Variants in CC2D2B observed in about 807,000 individuals in gnomAD.
CC2D2B encodes the protein coiled-coil and C2 domain containing 2B.
CC2D2B carries 128 observed loss-of-function variants against 161.2 expected under a neutral mutation model. The observed-to-expected ratio is 0.79, with a 90% CI of 0.69 to 0.92. CC2D2B has a LOEUF of 0.92. Among genes scored for constraint, CC2D2B ranks in the 40% least tolerant of loss-of-function variants. The pLI is 0.00. For synonymous variants in CC2D2B, 391 were observed against 449.8 expected (o/e 0.87, Z 1.65); for missense variants, 1,173 against 1,375.1 (o/e 0.85, Z 2.32).
chr10:95,962,498 T>A (rs1161906384), intron 12 of CC2D2B, among the ~76,000 whole-genome samples: 1 of 152,170 alleles, frequency 6.6e-6, no homozygotes, highest in African/African-American at 2.4e-5. Context: ...CACATTCTTA[T>A]AAAGTTAAAT....
intron 24 of CC2D2B, among the ~76,000 whole-genome samples, chr10:95,997,857 T>C (rs1477653390): frequency 6.6e-6 from 1 of 152,232 alleles, no homozygotes; most frequent in African/African-American, 2.4e-5. Context: ...AAAGTGGAAT[T>C]GCTAGGTTGT....
intron 22 of CC2D2B, chr10:95,993,095 C>T (rs137905555): frequency 0.036 from 5,714 of 157,802 alleles, 136 homozygotes; most frequent in Middle Eastern, 0.071. Context: ...AGGAAAGCTG[C>T]GAAGCAAATG....
Position 95,924,830 on chromosome 10 carries a change from C to A in CC2D2B, c.226C>A (p.His76Asn). 6.5e-7 allele frequency: 1 copy of A among 1,544,836 alleles called. No individual in the cohort carries two copies. The highest frequency in any genetic ancestry group is 1.4e-5 in the African/African-American group (1 of 73,008). The part of the protein sequence containing the change: ...STEQLIDSEI[H>N]QRSKLSPQTE... ...TGAGCAGCTCATTGATAGCGAAATA[C>A]ATCAAAGGTCCAAGGTGAATAACTT... The change falls in exon 5 of 35, where the codon CAT becomes AAT. Residue 76 changes from histidine (H) to asparagine (N), a missense_variant. His to Asn is a moderately conservative substitution (Grantham distance 68). Around this residue, in one of 3 missense-constraint regions of CC2D2B, gnomAD observed 298 missense variants for 261.2 expected, o/e 1.14. Transcript: ENST00000646931.
chr10:96,009,805 A>G lies in CC2D2B; in HGVS notation c.2947-20A>G, dbSNP rs769302588. ...TCACATGATATTAAGTAAGTAATAA[A>G]AAATTATTTATTTTCATAGGATCAC... On this transcript the variant is annotated intron_variant, in intron 25 of 34. Coordinates refer to ENST00000646931, the MANE Select transcript of CC2D2B (RefSeq NM_001349008.3). The G allele has an allele frequency of 7.9e-7, 1 of 1,262,714 alleles. No homozygotes were observed. The highest frequency in any genetic ancestry group is 1.1e-6 in the Non-Finnish European group (1 of 904,426). 78.2% of individuals were successfully genotyped at this position (1,262,714 alleles called of 1,614,324 possible).
chr10:96,029,280 ATATATG>A (rs1205998230), intron 34 of CC2D2B, among the ~76,000 whole-genome samples: 27 of 50,916 alleles, frequency 5.3e-4, no homozygotes, highest in Admixed American at 8.5e-4. Context: ...ATATATATAT[ATATATG>A]TATATATATA....
chr10:96,027,535 G>A (rs745403667), intron 34 of CC2D2B, 146 bp downstream of exon 34: 229 of 546,644 alleles, frequency 4.2e-4, no homozygotes, highest in Non-Finnish European at 6.3e-4. Context: ...ACTTACTGAA[G>A]AATCAATATT....
At chr10:95,991,934 C>T (rs935836389) in intron 21 of CC2D2B, among the ~76,000 whole-genome samples, 1 of 152,158 alleles carries the variant, frequency 6.6e-6, no homozygotes, top group Non-Finnish European at 1.5e-5. Flanking sequence ...CTCATACTGT[C>T]CTATCTGTGA....
At chr10:95,959,297 C>T (rs1040942489) in intron 11 of CC2D2B, among the ~76,000 whole-genome samples, 1 of 152,150 alleles carries the variant, frequency 6.6e-6, no homozygotes, top group African/African-American at 2.4e-5. Context: ...ATCACCTTCA[C>T]CTGGGAGTTT....
At chr10:96,011,243 G>A (rs578158288) in intron 26 of CC2D2B, among the ~76,000 whole-genome samples, 31 of 152,322 alleles carry the variant, frequency 2.0e-4, no homozygotes, top group Admixed American at 2.0e-3. Flanking sequence ...CATTGTTGGA[G>A]GTACAGCTAC....
At chr10:96,014,200 T>G (rs1374040613) in intron 29 of CC2D2B, among the ~76,000 whole-genome samples, 1 of 152,184 alleles carries the variant, frequency 6.6e-6, no homozygotes, top group Admixed American at 6.5e-5. Context: ...GTGCAAGCAC[T>G]GTCACTTCCC....
chr10:95,945,777 C>CGT (rs2076174874), intron 9 of CC2D2B, among the ~76,000 whole-genome samples: 2 of 81,124 alleles, frequency 2.5e-5, no homozygotes, highest in Admixed American at 3.1e-4. Context: ...TAATGTTGGA[C>CGT]TTTTTTTTTT....
At chr10:96,026,038 A>G (rs940901374) in intron 33 of CC2D2B, among the ~76,000 whole-genome samples, 1 of 152,246 alleles carries the variant, frequency 6.6e-6, no homozygotes, top group African/African-American at 2.4e-5. Context: ...AAATACAGGT[A>G]TGAGCATCCC....
intron 11 of CC2D2B, among the ~76,000 whole-genome samples, chr10:95,957,039 T>C (rs1004839546): frequency 3.3e-5 from 5 of 152,082 alleles, no homozygotes; most frequent in Non-Finnish European, 5.9e-5. Context: ...GGGTGGTAAA[T>C]TGGGGTTAAT....
chr10:96,009,999 T>C, intron 26 of CC2D2B, 76 bp downstream of exon 26: 1 of 849,164 alleles, frequency 1.2e-6, no homozygotes, highest in Non-Finnish European at 2.0e-6. Context: ...TGTCTTTGAA[T>C]CAGACTCTGT....
chr10:96,015,452 T>C (rs2079154928), intron 29 of CC2D2B, among the ~76,000 whole-genome samples: 1 of 134,898 alleles, frequency 7.4e-6, no homozygotes, highest in Non-Finnish European at 1.6e-5. Flanking sequence ...CCCAAGTCTT[T>C]GCTAGAGTTT....
intron 19 of CC2D2B, among the ~76,000 whole-genome samples, chr10:95,987,550 T>C (rs1390090571): frequency 6.6e-6 from 1 of 152,146 alleles, no homozygotes; most frequent in Non-Finnish European, 1.5e-5. Context: ...TATAAAATCA[T>C]TTCCAAGTGC....
intron 26 of CC2D2B, among the ~76,000 whole-genome samples, chr10:96,011,080 TC>T (rs1227622595): frequency 1.3e-5 from 2 of 152,202 alleles, no homozygotes; most frequent in Non-Finnish European, 2.9e-5. Context: ...AACATTCTGT[TC>T]CTACTACCTG....
At chr10:95,910,381 G>T (rs1444236785) in intron 1 of CC2D2B, among the ~76,000 whole-genome samples, 1 of 152,200 alleles carries the variant, frequency 6.6e-6, no homozygotes, top group African/African-American at 2.4e-5. Flanking sequence ...TGCTTCTGGT[G>T]AGGGCATCAG....
intron 7 of CC2D2B, 154 bp from the exon 8 acceptor site, chr10:95,938,415 A>C (rs955729768): frequency 3.2e-5 from 19 of 599,604 alleles, no homozygotes; most frequent in Middle Eastern, 4.5e-4. Flanking sequence ...ATAGAGAGAG[A>C]GAGCGAGCGA....
Sources: gnomAD v4.1 joint callset for allele counts (sites outside exome capture counted in the v4.1 genomes callset) on GRCh38, gnomAD v4.1.1 for gene constraint, gnomAD v4.1.1 regional missense constraint, MANE v1.5 for transcripts, NCBI Gene and HGNC (gene_info 2026-07-23, HGNC 2026-07-21) for gene names.